Variants in C10orf67 observed in about 807,000 individuals in gnomAD.
C10orf67 encodes uncharacterized protein C10orf67, mitochondrial.
A neutral mutation model predicts 35.6 loss-of-function variants in C10orf67; 60 were observed. That is an observed-to-expected ratio of 1.68 (90% CI 1.37 to 2.09). The LOEUF is 2.09. C10orf67 is among the 30% of genes most tolerant of loss of function. The pLI, the probability that C10orf67 is intolerant of heterozygous loss-of-function variation, is 0.00. For missense variants in C10orf67, 474 were observed against 330.2 expected, an observed-to-expected ratio of 1.44 and a Z score of -3.38; for synonymous variants, 167 against 115.8, an observed-to-expected ratio of 1.44 and a Z score of -2.84.
intron 10 of C10orf67, among the ~76,000 whole-genome samples, chr10:23,260,526 T>C (rs1842720779): frequency 6.6e-6 from 1 of 152,196 alleles, no homozygotes. Flanking sequence ...TATTAAACTT[T>C]AATTTTTGAA....
At chr10:23,303,549 T>C in intron 4 of C10orf67, 90 bp from the exon 5 acceptor site, 1 of 444,482 alleles carries the variant, frequency 2.2e-6, no homozygotes, top group Non-Finnish European at 4.1e-6. Flanking sequence ...GCATTAAAAA[T>C]TAGACACCAC....
At position 23,211,734 on chromosome 10, in the gene C10orf67, T is replaced by A. The variant is rs1287289232; in HGVS notation, c.1571-7479A>T. ...AATAAGGTAGAAATCAAATGAAGTG[T>A]CCTTTATCCAGAACATGAAGAGAAC... On this transcript the variant is annotated intron_variant, in intron 15 of 15. Transcript: ENST00000636213. Among the ~76,000 whole-genome samples the A allele has an allele frequency of 2.6e-5, 4 of 152,194 alleles. No individual in the cohort carries two copies. The East Asian group carries it at 7.7e-4, about 29-fold the overall frequency.
intron 13 of C10orf67, among the ~76,000 whole-genome samples, chr10:23,227,933 C>A (rs1394330259): frequency 6.6e-6 from 1 of 151,972 alleles, no homozygotes; most frequent in Non-Finnish European, 1.5e-5. Context: ...TCATCGAAAT[C>A]AAAGAGGACA....
chr10:23,241,422 G>A (rs1249416816), intron 12 of C10orf67, among the ~76,000 whole-genome samples: 3 of 152,178 alleles, frequency 2.0e-5, no homozygotes, highest in Non-Finnish European at 4.4e-5. Flanking sequence ...AATGGGTTGA[G>A]ACTTTGGGGG....
At chr10:23,284,879 G>A (rs1029839444) in intron 7 of C10orf67, among the ~76,000 whole-genome samples, 1 of 152,162 alleles carries the variant, frequency 6.6e-6, no homozygotes, top group African/African-American at 2.4e-5. Flanking sequence ...CTGCCCTGTG[G>A]TTTTGGTCTA....
chr10:23,265,093 T>C (rs1239403112), intron 10 of C10orf67, among the ~76,000 whole-genome samples: 1 of 152,266 alleles, frequency 6.6e-6, no homozygotes, highest in Non-Finnish European at 1.5e-5. Flanking sequence ...TGGGAAATTA[T>C]ACTGATTTCC....
chr10:23,245,276 G>A (rs377394940), intron 12 of C10orf67, among the ~76,000 whole-genome samples: 30 of 152,066 alleles, frequency 2.0e-4, no homozygotes, highest in South Asian at 8.3e-4. Flanking sequence ...ACATAGGAGG[G>A]AAAGCTTTTT....
intron 10 of C10orf67, among the ~76,000 whole-genome samples, chr10:23,259,173 A>G (rs1808112250): frequency 6.6e-6 from 1 of 152,172 alleles, no homozygotes; most frequent in Non-Finnish European, 1.5e-5. Context: ...CTGTTTACCA[A>G]TCTTTAGTGA....
intron 6 of C10orf67, 40 bp downstream of exon 6, chr10:23,291,092 A>G (rs1355916888): frequency 1.5e-6 from 1 of 689,462 alleles, no homozygotes; most frequent in South Asian, 1.6e-5. Context: ...CAAAGTGACC[A>G]ATATACAGAT....
intron 15 of C10orf67, among the ~76,000 whole-genome samples, chr10:23,213,259 G>T (rs543920905): frequency 8.5e-5 from 13 of 152,248 alleles, no homozygotes; most frequent in African/African-American, 2.9e-4. Context: ...AGATTGAGAG[G>T]TGCTCCAGAA....
At chr10:23,337,976 A>G (rs1003727139) in intron 1 of C10orf67, among the ~76,000 whole-genome samples, 5 of 152,224 alleles carry the variant, frequency 3.3e-5, no homozygotes, top group Non-Finnish European at 7.3e-5. Context: ...GGCCAGAATT[A>G]TGTATTGACA....
At chr10:23,279,500 G>C (rs1280939797) in intron 8 of C10orf67, among the ~76,000 whole-genome samples, 1 of 152,262 alleles carries the variant, frequency 6.6e-6, no homozygotes, top group Non-Finnish European at 1.5e-5. Context: ...TGGTAACTCA[G>C]TGCTGTGCCC....
intron 13 of C10orf67, among the ~76,000 whole-genome samples, chr10:23,227,625 T>C (rs1841776319): frequency 6.6e-6 from 1 of 152,114 alleles, no homozygotes; most frequent in African/African-American, 2.4e-5. Context: ...TGATACTTAA[T>C]TTGGAAAAGA....
intron 15 of C10orf67, among the ~76,000 whole-genome samples, chr10:23,222,417 C>A (rs1223058246): frequency 6.6e-6 from 1 of 151,920 alleles, no homozygotes; most frequent in East Asian, 1.9e-4. Flanking sequence ...AGTAGAAAAC[C>A]AAATACTGCA....
intron 13 of C10orf67, among the ~76,000 whole-genome samples, chr10:23,228,259 A>C (rs998029536): frequency 6.6e-6 from 1 of 152,220 alleles, no homozygotes. Flanking sequence ...CCAATGGAAC[A>C]GAATAGAGCC....
intron 2 of C10orf67, among the ~76,000 whole-genome samples, chr10:23,326,912 T>C (rs921874036): frequency 3.3e-5 from 5 of 152,078 alleles, no homozygotes; most frequent in African/African-American, 4.8e-5. Flanking sequence ...TAAACAAGCA[T>C]TAATTGCATA....
At chr10:23,222,432 C>T (rs1342328012) in intron 15 of C10orf67, among the ~76,000 whole-genome samples, 1 of 152,102 alleles carries the variant, frequency 6.6e-6, no homozygotes, top group African/African-American at 2.4e-5. Context: ...ACTGCATGTT[C>T]TCACTTATAA....
chr10:23,301,813 T>C (rs373930680), intron 5 of C10orf67, among the ~76,000 whole-genome samples: 5 of 152,356 alleles, frequency 3.3e-5, no homozygotes, highest in African/African-American at 9.6e-5. Context: ...TTAGAAGCCA[T>C]GGGCCATGGA....
At chr10:23,337,843 T>C (rs1291221298) in intron 1 of C10orf67, among the ~76,000 whole-genome samples, 1 of 152,140 alleles carries the variant, frequency 6.6e-6, no homozygotes, top group Non-Finnish European at 1.5e-5. Flanking sequence ...AGCTGGTAGT[T>C]ACCTGCAGTC....
Sources: gnomAD v4.1 joint callset for allele counts (sites outside exome capture counted in the v4.1 genomes callset) on GRCh38, gnomAD v4.1.1 for gene constraint, MANE v1.5 for transcripts, NCBI Gene and HGNC (gene_info 2026-07-23, HGNC 2026-07-21) for gene names.